MBD5: variants seen among roughly 807,000 people sequenced by gnomAD.
The protein encoded by MBD5 is methyl-CpG binding domain protein 5, also known as methyl-CpG-binding domain protein 5.
Under a neutral mutation model 117.3 loss-of-function variants are expected in MBD5, and 13 were observed. That is an observed-to-expected ratio of 0.11 (90% CI 0.07 to 0.18). The LOEUF is 0.18. MBD5 is among the 10% of genes least tolerant of loss of function. The probability of loss-of-function intolerance (pLI) is 1.00; values close to 1 mark genes in which losing one functional copy is unlikely to be tolerated. For missense variants in MBD5, 1,879 were observed against 2,093.8 expected, an observed-to-expected ratio of 0.90 and a Z score of 2.00; for synonymous variants, 727 against 766.4, an observed-to-expected ratio of 0.95 and a Z score of 0.85.
chr2:148,209,894 A>AT lies in MBD5; in HGVS notation c.-830-23348dup, dbSNP rs1427811888. 2.6e-5 allele frequency among the ~76,000 whole-genome samples: 4 copies of AT among 152,232 alleles called. No homozygotes were observed. The East Asian group carries it at 7.7e-4, about 29-fold the overall frequency. ...GCACTAAGCCATTCATGAGCTAGCT[A>AT]TTTGTCCCCATGATCCAAACACCTT... On this transcript the variant is annotated intron_variant, in intron 2 of 13. Coordinates refer to ENST00000642680, the MANE Select transcript of MBD5 (RefSeq NM_001378120.1).
chr2:148,390,459 A>G (rs1339579250), intron 4 of MBD5, among the ~76,000 whole-genome samples: 1 of 150,896 alleles, frequency 6.6e-6, no homozygotes, highest in Non-Finnish European at 1.5e-5. Flanking sequence ...GTAAGTATAT[A>G]TATGTGTGTG....
chr2:148,367,250 G>C (rs1703727062), intron 4 of MBD5, among the ~76,000 whole-genome samples: 1 of 152,102 alleles, frequency 6.6e-6, no homozygotes, highest in African/African-American at 2.4e-5. Flanking sequence ...TTAATAAATG[G>C]CGTTGGGAAA....
intron 3 of MBD5, among the ~76,000 whole-genome samples, chr2:148,323,762 G>A (rs1310691321): frequency 2.0e-5 from 3 of 152,116 alleles, no homozygotes; most frequent in Non-Finnish European, 4.4e-5. Context: ...AGATGAGTAG[G>A]TTGCAAAAAT....
intron 4 of MBD5, among the ~76,000 whole-genome samples, chr2:148,439,754 T>TC (rs1028585998): frequency 6.6e-6 from 1 of 151,536 alleles, no homozygotes. Flanking sequence ...TTTTTTTTTT[T>TC]TTAGAGATGC....
chr2:148,370,910 A>G (rs1703834403), intron 4 of MBD5, among the ~76,000 whole-genome samples: 1 of 152,234 alleles, frequency 6.6e-6, no homozygotes, highest in Admixed American at 6.5e-5. Context: ...CAAAGCAAGA[A>G]TATAGATGAG....
chr2:148,213,837 GTT>G (rs11328053), intron 2 of MBD5, among the ~76,000 whole-genome samples: 5 of 150,756 alleles, frequency 3.3e-5, no homozygotes, highest in African/African-American at 7.3e-5. Context: ...GTCACCAACT[GTT>G]TTTTTTTTAT....
chr2:148,205,090 T>G (rs944558037), intron 2 of MBD5, among the ~76,000 whole-genome samples: 2 of 152,236 alleles, frequency 1.3e-5, no homozygotes, highest in East Asian at 3.9e-4. Context: ...TATTTTATTT[T>G]TTTTTGAGAC....
intron 4 of MBD5, among the ~76,000 whole-genome samples, chr2:148,438,550 G>T (rs746372097): frequency 6.6e-6 from 1 of 152,104 alleles, no homozygotes; most frequent in African/African-American, 2.4e-5. Flanking sequence ...AGGATATTTG[G>T]CTTCTTGATA....
intron 2 of MBD5, among the ~76,000 whole-genome samples, chr2:148,214,511 G>GA (rs1362997000): frequency 2.0e-5 from 3 of 152,136 alleles, no homozygotes; most frequent in Non-Finnish European, 4.4e-5. Flanking sequence ...TCATTGGTTG[G>GA]AAAAATCTGC....
At chr2:148,434,885 C>T (rs1706108262) in intron 4 of MBD5, among the ~76,000 whole-genome samples, 1 of 152,076 alleles carries the variant, frequency 6.6e-6, no homozygotes, top group Middle Eastern at 3.2e-3. Context: ...CTTCATAGGT[C>T]TCTAAGAACT....
chr2:148,434,348 A>G (rs1425078922), intron 4 of MBD5, among the ~76,000 whole-genome samples: 1 of 151,762 alleles, frequency 6.6e-6, no homozygotes, highest in Non-Finnish European at 1.5e-5. Flanking sequence ...CGTATTTTGT[A>G]TGGGTTTTCC....
chr2:148,328,140 A>C (rs1444297745), intron 3 of MBD5, among the ~76,000 whole-genome samples: 2 of 152,128 alleles, frequency 1.3e-5, no homozygotes, highest in African/African-American at 4.8e-5. Context: ...GGTGCCTCCT[A>C]GTTAGGCTGC....
intron 2 of MBD5, among the ~76,000 whole-genome samples, chr2:148,189,137 A>AGC (rs1186054729): frequency 3.4e-5 from 5 of 145,882 alleles, no homozygotes; most frequent in Non-Finnish European, 7.5e-5. Flanking sequence ...TTGCTAGCAC[A>AGC]GCAGTCTGAG....
At chr2:148,349,311 T>A (rs1400596762) in intron 4 of MBD5, among the ~76,000 whole-genome samples, 1 of 151,984 alleles carries the variant, frequency 6.6e-6, no homozygotes, top group African/African-American at 2.4e-5. Flanking sequence ...GATGGAGTTA[T>A]GAATTAATAT....
At chr2:148,508,508 G>A (rs1371248135) in intron 12 of MBD5, among the ~76,000 whole-genome samples, 1 of 151,862 alleles carries the variant, frequency 6.6e-6, no homozygotes, top group Non-Finnish European at 1.5e-5. Flanking sequence ...ATAGGTAACA[G>A]GGAACTCCAG....
rs1574195336 is a variant in MBD5, at chr2:148,251,550, G to A, written c.-680+18155G>A. 2.6e-5 allele frequency among the ~76,000 whole-genome samples: 4 copies of A among 152,274 alleles called. No individual in the cohort carries two copies. In the South Asian group the frequency reaches 8.3e-4, roughly 32 times the overall value. ...AGTAACTTGTACCTCATAAGCCAAA[G>A]TAGAATGGCTAACATAAATTTATTC... is the stretch of plus-strand genomic sequence containing the variant. On this transcript the variant is annotated intron_variant, in intron 3 of 13. Coordinates refer to ENST00000642680, the MANE Select transcript of MBD5 (RefSeq NM_001378120.1).
At chr2:148,242,604 T>C (rs777663458) in intron 3 of MBD5, among the ~76,000 whole-genome samples, 2 of 152,152 alleles carry the variant, frequency 1.3e-5, no homozygotes, top group Non-Finnish European at 2.9e-5. Context: ...AAGTTTCTGA[T>C]TTTAGAGTCA....
At chr2:148,510,029 T>C (rs775751162) in intron 12 of MBD5, 31 bp from the exon 13 acceptor site, 1 of 1,498,090 alleles carries the variant, frequency 6.7e-7, no homozygotes, top group Non-Finnish European at 9.3e-7. Context: ...TTTAATTTTT[T>C]AATCTGGTGT....
chr2:148,379,497 A>G (rs1704076153), intron 4 of MBD5, among the ~76,000 whole-genome samples: 1 of 152,186 alleles, frequency 6.6e-6, no homozygotes, highest in East Asian at 1.9e-4. Context: ...CCTCTGAAAG[A>G]TAATGATTAG....
Sources: allele counts gnomAD v4.1 joint callset (sites outside exome capture counted in the v4.1 genomes callset), GRCh38; gene constraint gnomAD v4.1.1; transcripts MANE v1.5; gene names NCBI Gene and HGNC (gene_info 2026-07-23, HGNC 2026-07-21).